DLGAP2: variants seen among roughly 807,000 people sequenced by gnomAD.
The protein encoded by DLGAP2 is DLG associated protein 2, also known as disks large-associated protein 2.
A neutral mutation model predicts 100.3 loss-of-function variants in DLGAP2; 26 were observed. The observed-to-expected ratio is 0.26, with a 90% CI of 0.19 to 0.36. DLGAP2 has a LOEUF of 0.36. Ranked by LOEUF, DLGAP2 falls within the 10% of genes least tolerant of loss-of-function variation. The pLI, the probability that DLGAP2 is intolerant of heterozygous loss-of-function variation, is 1.00. For synonymous variants in DLGAP2, 886 were observed against 630.1 expected, an observed-to-expected ratio of 1.41 and a Z score of -6.08; for missense variants, 1,858 against 1,453.2, an observed-to-expected ratio of 1.28 and a Z score of -4.53.
intron 2 of DLGAP2, among the ~76,000 whole-genome samples, chr8:981,865 C>T (rs1043549999): frequency 1.3e-5 from 2 of 152,168 alleles, no homozygotes; most frequent in African/African-American, 4.8e-5. Context: ...TTCTATGAAT[C>T]CTCTTTCCAC....
At position 1,089,057 on chromosome 8, in the gene DLGAP2, C is replaced by T. The variant is rs1171222682; in HGVS notation, c.74-169794C>T. Among the ~76,000 whole-genome samples the T allele has an allele frequency of 1.2e-4, 17 of 139,236 alleles. 1 individual carries two copies. The highest frequency in any genetic ancestry group is 1.2e-3 in the Admixed American group (17 of 14,024). 91.3% of individuals were successfully genotyped at this position (139,236 alleles called of 152,430 possible). The stretch of plus-strand genomic sequence containing the variant: ...AGCAGGCTATGCCATTCTTGCTCCC[C>T]GGCCTCACTCTCTCCACCCCTCGTC... On this transcript the variant is annotated intron_variant, in intron 2 of 14. Transcript: ENST00000637795.
At chr8:760,969 T>C (rs1256087507) in intron 1 of DLGAP2, among the ~76,000 whole-genome samples, 5 of 152,084 alleles carry the variant, frequency 3.3e-5, no homozygotes, top group Non-Finnish European at 5.9e-5. Context: ...GAGTGGGTGG[T>C]AGTTTCCAGG....
intron 3 of DLGAP2, among the ~76,000 whole-genome samples, chr8:1,271,550 A>T (rs1472081453): frequency 6.6e-6 from 1 of 152,248 alleles, no homozygotes; most frequent in African/African-American, 2.4e-5. Flanking sequence ...TCCGAGAAAC[A>T]TCTGAAAATT....
At chr8:1,430,183 G>T (rs1457149293) in intron 3 of DLGAP2, among the ~76,000 whole-genome samples, 11 of 150,728 alleles carry the variant, frequency 7.3e-5, no homozygotes, top group African/African-American at 2.7e-4. Context: ...GACATTCTCT[G>T]CAAAAATACT....
intron 2 of DLGAP2, among the ~76,000 whole-genome samples, chr8:1,241,125 C>A (rs1459290638): frequency 8.2e-6 from 1 of 122,172 alleles, no homozygotes; most frequent in Admixed American, 9.0e-5. Context: ...TCTCGCATGG[C>A]GCCGTGTCTA....
intron 1 of DLGAP2, among the ~76,000 whole-genome samples, chr8:785,039 C>T (rs1014590946): frequency 1.3e-5 from 2 of 151,760 alleles, no homozygotes; most frequent in African/African-American, 4.8e-5. Flanking sequence ...AACCCCCTCT[C>T]TACTAAAAAT....
intron 2 of DLGAP2, among the ~76,000 whole-genome samples, chr8:1,208,561 C>G (rs1436431385): frequency 6.6e-6 from 1 of 152,110 alleles, no homozygotes; most frequent in Non-Finnish European, 1.5e-5. Context: ...TTCCTGAGAA[C>G]TGGAACAAGA....
At chr8:1,452,106 A>G (rs921145305) in intron 3 of DLGAP2, among the ~76,000 whole-genome samples, 9 of 152,260 alleles carry the variant, frequency 5.9e-5, no homozygotes, top group Admixed American at 3.9e-4. Context: ...TAGCGAACAC[A>G]TGCATGCCAG....
chr8:759,697 G>C (rs1329551438), intron 1 of DLGAP2, among the ~76,000 whole-genome samples: 1 of 152,170 alleles, frequency 6.6e-6, no homozygotes, highest in Non-Finnish European at 1.5e-5. Flanking sequence ...CCCTGCGACT[G>C]GTTCCTGTGT....
intron 2 of DLGAP2, among the ~76,000 whole-genome samples, chr8:1,052,858 C>T (rs530680964): frequency 1.3e-5 from 2 of 152,258 alleles, no homozygotes; most frequent in East Asian, 1.9e-4. Context: ...GAGGATAGAA[C>T]TGGCTGCAAT....
intron 8 of DLGAP2, among the ~76,000 whole-genome samples, chr8:1,646,429 A>T (rs1314461367): frequency 1.3e-5 from 2 of 152,058 alleles, no homozygotes; most frequent in African/African-American, 2.4e-5. Context: ...GTGTTCATCT[A>T]TATCTCTATC....
chr8:1,508,587 C>T (rs1320171810), intron 4 of DLGAP2, among the ~76,000 whole-genome samples: 1 of 138,148 alleles, frequency 7.2e-6, no homozygotes, highest in Non-Finnish European at 1.6e-5. Flanking sequence ...ATTCAAACAG[C>T]AATTGCTGGT....
intron 1 of DLGAP2, among the ~76,000 whole-genome samples, chr8:752,811 G>A (rs1820825476): frequency 6.6e-6 from 1 of 152,098 alleles, no homozygotes; most frequent in Non-Finnish European, 1.5e-5. Context: ...TGTCGGCTGG[G>A]CCCAGGGCAC....
chr8:1,689,626 G>T (rs745898896), intron 12 of DLGAP2, among the ~76,000 whole-genome samples: 10 of 151,712 alleles, frequency 6.6e-5, no homozygotes, highest in African/African-American at 2.4e-4. Context: ...GCTCTGCAGA[G>T]ACTCTCCAGG....
intron 2 of DLGAP2, among the ~76,000 whole-genome samples, chr8:976,113 T>G (rs1800156175): frequency 6.6e-6 from 1 of 151,868 alleles, no homozygotes; most frequent in African/African-American, 2.4e-5. Context: ...AATAAAGAAA[T>G]ACTTAGGTAT....
At chr8:813,956 T>C (rs1171827905) in intron 1 of DLGAP2, among the ~76,000 whole-genome samples, 1 of 152,116 alleles carries the variant, frequency 6.6e-6, no homozygotes, top group Non-Finnish European at 1.5e-5. Flanking sequence ...GTACAGGACA[T>C]CTAAAGGGAA....
At chr8:796,212 A>G (rs1796033807) in intron 1 of DLGAP2, among the ~76,000 whole-genome samples, 1 of 152,128 alleles carries the variant, frequency 6.6e-6, no homozygotes, top group Non-Finnish European at 1.5e-5. Flanking sequence ...GGTTCCAGGT[A>G]GAGTTTAGCA....
intron 4 of DLGAP2, among the ~76,000 whole-genome samples, chr8:1,521,004 G>T (rs757883): frequency 6.6e-6 from 1 of 151,992 alleles, no homozygotes; most frequent in Non-Finnish European, 1.5e-5. Context: ...TCCGCGTCCT[G>T]GCCGGCGTGT....
intron 1 of DLGAP2, among the ~76,000 whole-genome samples, chr8:833,286 C>A (rs10106028): frequency 0.25 from 37,563 of 152,132 alleles, 4,947 homozygotes; most frequent in Middle Eastern, 0.36. Flanking sequence ...TTTGCTGTAA[C>A]AAATTACCAC....
Sources: allele counts gnomAD v4.1 joint callset (sites outside exome capture counted in the v4.1 genomes callset), GRCh38; gene constraint gnomAD v4.1.1; transcripts MANE v1.5; gene names NCBI Gene and HGNC (gene_info 2026-07-23, HGNC 2026-07-21).